NLGN4X: variants seen among roughly 807,000 people sequenced by gnomAD.
NLGN4X encodes the protein neuroligin-4, X-linked.
Under a neutral mutation model 40.3 loss-of-function variants are expected in NLGN4X, and 3 were observed. That is an observed-to-expected ratio of 0.07 (90% CI 0.03 to 0.19). NLGN4X has a LOEUF of 0.19. Among genes scored for constraint, NLGN4X ranks in the 10% least tolerant of loss-of-function variants. The probability of loss-of-function intolerance (pLI) is 1.00; values close to 1 mark genes in which losing one functional copy is unlikely to be tolerated. For synonymous variants in NLGN4X, 270 were observed against 306.8 expected (o/e 0.88, Z 1.25); for missense variants, 382 against 708.3 (o/e 0.54, Z 5.23).
At chrX:6,200,699 T>C (rs111640186) in intron 1 of NLGN4X, among the ~76,000 whole-genome samples, 4 of 18,204 alleles carry the variant, frequency 2.2e-4, no homozygotes, top group African/African-American at 3.9e-4. Context: ...TTTTTTTTTT[T>C]TTTTTTTTAC....
intron 2 of NLGN4X, among the ~76,000 whole-genome samples, chrX:6,056,526 G>C (rs746153279): frequency 4.3e-3 from 475 of 111,330 alleles, no homozygotes; most frequent in Middle Eastern, 9.3e-3. Flanking sequence ...GTGCCCTTTT[G>C]TTTTGTTTTG....
At chrX:6,138,844 G>A (rs1277899144) in intron 2 of NLGN4X, among the ~76,000 whole-genome samples, 1 of 110,194 alleles carries the variant, frequency 9.1e-6, no homozygotes, top group Non-Finnish European at 1.9e-5. Context: ...TTTCCGTCCA[G>A]GTAAATTTCC....
rs1300465997 is a variant in NLGN4X, at chrX:6,206,960, G to A, written c.-306+21581C>T. Among the ~76,000 whole-genome samples the A allele has an allele frequency of 6.3e-5, 7 of 110,553 alleles. No individual in the cohort carries two copies. The Admixed American group carries it at 6.8e-4, about 11-fold the overall frequency. On this transcript the variant is annotated intron_variant, in intron 1 of 5. Transcript: ENST00000381095. ...TGTAAAATTAGAGGGTAAGAATCAAGGTATTTTAGTTTCAATCACTAAAAT... is the reference window on the plus strand; with the variant it reads ...TGTAAAATTAGAGGGTAAGAATCAAAGTATTTTAGTTTCAATCACTAAAAT...
chrX:6,208,454 A>G (rs1367487382), intron 1 of NLGN4X, among the ~76,000 whole-genome samples: 2 of 112,444 alleles, frequency 1.8e-5, no homozygotes, highest in Non-Finnish European at 3.8e-5. Flanking sequence ...TACAATTGAT[A>G]GAATTCATAA....
intron 3 of NLGN4X, among the ~76,000 whole-genome samples, chrX:5,960,514 C>T (rs192916527): frequency 1.1e-4 from 12 of 111,446 alleles, no homozygotes; most frequent in African/African-American, 3.9e-4. Flanking sequence ...TAATGAGCTG[C>T]AGGAAAGCAA....
chrX:6,028,561 A>G (rs1289168151), intron 3 of NLGN4X, among the ~76,000 whole-genome samples: 1 of 109,970 alleles, frequency 9.1e-6, no homozygotes, highest in African/African-American at 3.3e-5. Flanking sequence ...TGGGAGGCTG[A>G]GGCAGAAGAA....
chrX:6,082,429 T>G (rs1184380722), intron 2 of NLGN4X, among the ~76,000 whole-genome samples: 1 of 109,537 alleles, frequency 9.1e-6, no homozygotes, highest in Admixed American at 9.8e-5. Context: ...TAGTCCCAGA[T>G]ACTCGGGAGG....
At chrX:6,041,623 G>C (rs1345208707) in intron 2 of NLGN4X, among the ~76,000 whole-genome samples, 1 of 112,425 alleles carries the variant, frequency 8.9e-6, no homozygotes, top group Non-Finnish European at 1.9e-5. Flanking sequence ...TTCTTCACAA[G>C]ATGAATTGTA....
At chrX:6,086,685 G>A (rs1298442995) in intron 2 of NLGN4X, among the ~76,000 whole-genome samples, 1 of 111,802 alleles carries the variant, frequency 8.9e-6, no homozygotes, top group East Asian at 2.8e-4. Context: ...AGGCTGGAGT[G>A]TAGTGGTGTG....
chrX:6,095,090 AGTACGTGC>A (rs1437478691), intron 2 of NLGN4X, among the ~76,000 whole-genome samples: 1 of 94,218 alleles, frequency 1.1e-5, no homozygotes, highest in Non-Finnish European at 2.1e-5. Context: ...TAAGGCTTTA[AGTACGTGC>A]GTGCGTGTGT....
At chrX:5,899,902 GA>G (rs1237945865) in intron 5 of NLGN4X, among the ~76,000 whole-genome samples, 3 of 111,871 alleles carry the variant, frequency 2.7e-5, no homozygotes, top group Non-Finnish European at 5.6e-5. Context: ...AGGAGGAAAA[GA>G]AAAAGCATAT....
chrX:6,089,020 G>C (rs1336901607), intron 2 of NLGN4X, among the ~76,000 whole-genome samples: 1 of 111,389 alleles, frequency 9.0e-6, no homozygotes, highest in Non-Finnish European at 1.9e-5. Context: ...ATTAATACCT[G>C]GGAAAATCAT....
At chrX:5,911,703 T>G (rs1037120352) in intron 3 of NLGN4X, among the ~76,000 whole-genome samples, 1 of 112,041 alleles carries the variant, frequency 8.9e-6, no homozygotes, top group African/African-American at 3.2e-5. Flanking sequence ...TGCAATAATT[T>G]TATGCTCTTT....
At chrX:6,226,104 T>A (rs1460774757) in intron 1 of NLGN4X, among the ~76,000 whole-genome samples, 2 of 97,677 alleles carry the variant, frequency 2.0e-5, no homozygotes, top group African/African-American at 3.8e-5. Context: ...AGCCCTAGGC[T>A]GAATTCGTGA....
chrX:5,971,943 T>C lies in NLGN4X; in HGVS notation c.625+57337A>G, dbSNP rs2035031486. ...AGAAACTTTAATTTTTAAAAAATGATTTCCCTACCTCCAGACATGGGCTTA... is the reference window on the plus strand; with the variant it reads ...AGAAACTTTAATTTTTAAAAAATGACTTCCCTACCTCCAGACATGGGCTTA... On this transcript the variant is annotated intron_variant, in intron 3 of 5. Coordinates refer to ENST00000381095, the MANE Select transcript of NLGN4X (RefSeq NM_181332.3). 2.7e-5 allele frequency among the ~76,000 whole-genome samples: 3 copies of C among 111,908 alleles called. No individual in the cohort carries two copies. The South Asian group carries it at 1.1e-3, about 42-fold the overall frequency.
Position 6,108,136 on chromosome X carries a change from G to A in NLGN4X, c.472+42859C>T, listed in dbSNP as rs1164784783. 5.4e-5 allele frequency among the ~76,000 whole-genome samples: 6 copies of A among 111,820 alleles called. No homozygotes were observed. The Admixed American group carries it at 5.7e-4, about 11-fold the overall frequency. On this transcript the variant is annotated intron_variant, in intron 2 of 5. Coordinates refer to ENST00000381095, the MANE Select transcript of NLGN4X (RefSeq NM_181332.3). Reference sequence around the variant, plus strand: ...GGGCTAGGAAAATACACAGTGGATCGAAATGTGCAGCCCTTACTGCCAACA... The same window carrying A: ...GGGCTAGGAAAATACACAGTGGATCAAAATGTGCAGCCCTTACTGCCAACA...
At chrX:5,921,436 G>GAGAGAGAGAGGAGAGAC (rs1569131798) in intron 3 of NLGN4X, among the ~76,000 whole-genome samples, 193 of 37,778 alleles carry the variant, frequency 5.1e-3, no homozygotes, top group Non-Finnish European at 9.7e-3. Flanking sequence ...AGAGAGAGAG[G>GAGAGAGAGAGGAGAGAC]AGAGACAGAG....
intron 1 of NLGN4X, among the ~76,000 whole-genome samples, chrX:6,183,679 A>G (rs1390652575): frequency 1.8e-5 from 2 of 112,714 alleles, no homozygotes; most frequent in African/African-American, 6.4e-5. Flanking sequence ...CTCACTTTGA[A>G]GGATAATTAG....
At chrX:5,946,597 T>C (rs951831187) in intron 3 of NLGN4X, among the ~76,000 whole-genome samples, 1 of 111,475 alleles carries the variant, frequency 9.0e-6, no homozygotes, top group African/African-American at 3.3e-5. Flanking sequence ...ATAGTCTAAA[T>C]AGTCATAACT....
Sources: gnomAD v4.1 joint callset for allele counts (sites outside exome capture counted in the v4.1 genomes callset) on GRCh38, gnomAD v4.1.1 for gene constraint, MANE v1.5 for transcripts, NCBI Gene and HGNC (gene_info 2026-07-23, HGNC 2026-07-21) for gene names.